Variants in TMOD3 observed in about 807,000 individuals in gnomAD.
TMOD3 encodes the protein tropomodulin 3.
Under a neutral mutation model 39.2 loss-of-function variants are expected in TMOD3, and 20 were observed. The observed-to-expected ratio is 0.51, with a 90% CI of 0.36 to 0.74. The LOEUF (loss-of-function observed/expected upper bound fraction) is 0.74. Among genes scored for constraint, TMOD3 ranks in the 30% least tolerant of loss-of-function variants. The pLI is 0.00. For missense variants in TMOD3, 381 were observed against 412.8 expected (o/e 0.92, Z 0.67); for synonymous variants, 143 against 145.8 (o/e 0.98, Z 0.14).
At chr15:51,896,076 C>T (rs1426837094) in intron 6 of TMOD3, among the ~76,000 whole-genome samples, 1 of 152,004 alleles carries the variant, frequency 6.6e-6, no homozygotes, top group Non-Finnish European at 1.5e-5. Flanking sequence ...CCGTTGCACT[C>T]CAACCTGGGC....
chr15:51,882,458 C>T (rs1249025320), intron 3 of TMOD3, among the ~76,000 whole-genome samples: 1 of 151,882 alleles, frequency 6.6e-6, no homozygotes, highest in Non-Finnish European at 1.5e-5. Context: ...GAGATTGTAC[C>T]ACTGCACTCC....
At position 51,861,053 on chromosome 15, in the gene TMOD3, CT is replaced by C. The variant is rs1431857319; in HGVS notation, c.-74-1756del. On this transcript the variant is annotated intron_variant, in intron 1 of 9. Coordinates refer to ENST00000308580, the MANE Select transcript of TMOD3 (RefSeq NM_014547.5). Reference sequence around the variant, plus strand: ...GTACAATAGAATTCTCAATCTCATCCTTCTTAAATGAATATCCAATGCGTGT... The same window carrying C: ...GTACAATAGAATTCTCAATCTCATCCTCTTAAATGAATATCCAATGCGTGT... 7 of 715,662 alleles carry C rather than the reference CT, an allele frequency of 9.8e-6. No homozygotes were observed. The East Asian group carries it at 2.4e-4, about 25-fold the overall frequency. 44.3% of individuals were successfully genotyped at this position (715,662 alleles called of 1,614,324 possible).
At chr15:51,893,274 G>A (rs1302221086) in intron 5 of TMOD3, among the ~76,000 whole-genome samples, 1 of 129,492 alleles carries the variant, frequency 7.7e-6, no homozygotes, top group Non-Finnish European at 1.6e-5. Flanking sequence ...CAGCCTGGGT[G>A]GTAGAGTAAG....
chr15:51,878,376 A>ATGTGTGTGTT (rs1555387057), intron 3 of TMOD3, among the ~76,000 whole-genome samples: 50 of 147,428 alleles, frequency 3.4e-4, no homozygotes, highest in African/African-American at 1.2e-3. Context: ...TTTAAAATAT[A>ATGTGTGTGTT]TGTGTGTGTG....
At chr15:51,859,970 A>G (rs1368117115) in intron 1 of TMOD3, 10 of 545,652 alleles carry the variant, frequency 1.8e-5, no homozygotes, top group Admixed American at 5.8e-5. Context: ...CTTCTTAGTA[A>G]ATCTTTCCAA....
At chr15:51,842,599 G>A (rs1389483337) in intron 1 of TMOD3, among the ~76,000 whole-genome samples, 1 of 152,128 alleles carries the variant, frequency 6.6e-6, no homozygotes, top group South Asian at 2.1e-4. Context: ...TAGGCATGAG[G>A]TTTTCTACAT....
In TMOD3 at chr15:51,911,924, G is replaced by C. The variant is rs2056713737; in HGVS notation, c.*3114G>C. On this transcript the variant is annotated 3_prime_UTR_variant, in exon 10 of 10. Transcript: ENST00000308580. ...TTTGTATTAAATAAATTAGCAGATG[G>C]TTAGAGACTTCAAGGAGAGTTAGCT... 1 of 152,174 alleles carries C rather than the reference G, an allele frequency of 6.6e-6. No homozygotes were observed. 9.4% of individuals were successfully genotyped at this position (152,174 alleles called of 1,614,324 possible). A position where few individuals can be genotyped will look rare whatever the true frequency, so the allele number is the denominator to read the frequency against.
intron 9 of TMOD3, among the ~76,000 whole-genome samples, chr15:51,905,654 TCTTATTG>T (rs2056674701): frequency 1.3e-5 from 2 of 152,172 alleles, no homozygotes; most frequent in Non-Finnish European, 2.9e-5. Flanking sequence ...CAAAAACTGC[TCTTATTG>T]CTCTATTAGA....
chr15:51,862,641 C>G (rs993945329), intron 1 of TMOD3, among the ~76,000 whole-genome samples, 170 bp from the exon 2 acceptor site: 1 of 147,560 alleles, frequency 6.8e-6, no homozygotes, highest in Non-Finnish European at 1.5e-5. Flanking sequence ...TTTTTTTTTT[C>G]TCAACACAAG....
intron 2 of TMOD3, among the ~76,000 whole-genome samples, chr15:51,867,961 C>G (rs1024960471): frequency 6.6e-6 from 1 of 152,180 alleles, no homozygotes; most frequent in Non-Finnish European, 1.5e-5. Flanking sequence ...AGGCTGTACC[C>G]GTGTGGAAAC....
chr15:51,900,368 G>A, intron 8 of TMOD3, 70 bp downstream of exon 8: 2 of 1,556,994 alleles, frequency 1.3e-6, no homozygotes, highest in Non-Finnish European at 1.7e-6. Flanking sequence ...TGGCGACTCA[G>A]GATGGGGATG....
chr15:51,861,880 C>T (rs1445977505), intron 1 of TMOD3, among the ~76,000 whole-genome samples: 3 of 151,990 alleles, frequency 2.0e-5, no homozygotes, highest in East Asian at 3.9e-4. Flanking sequence ...TGAGCTCAAG[C>T]GATTCACCTG....
intron 3 of TMOD3, among the ~76,000 whole-genome samples, chr15:51,879,942 T>G (rs889959676): frequency 4.0e-5 from 6 of 151,756 alleles, no homozygotes; most frequent in African/African-American, 1.5e-4. Context: ...GTGTCTATTA[T>G]GTTTCTCATC....
chr15:51,898,683 G>A (rs981894462), intron 7 of TMOD3, among the ~76,000 whole-genome samples: 3 of 152,100 alleles, frequency 2.0e-5, no homozygotes, highest in Admixed American at 1.3e-4. Flanking sequence ...GTATCTCTAC[G>A]CCCTATTGCC....
chr15:51,830,727 T>G (rs1330712978), intron 1 of TMOD3, among the ~76,000 whole-genome samples: 1 of 152,194 alleles, frequency 6.6e-6, no homozygotes, highest in Non-Finnish European at 1.5e-5. Flanking sequence ...ATGTCTCCTC[T>G]CCTTTTCTGA....
intron 2 of TMOD3, among the ~76,000 whole-genome samples, chr15:51,866,953 C>T (rs116279151): frequency 6.6e-6 from 1 of 152,112 alleles, no homozygotes; most frequent in Non-Finnish European, 1.5e-5. Flanking sequence ...TTAAGAAAAG[C>T]TTCCCTGGGG....
At chr15:51,901,419 C>T (rs1009445614) in intron 8 of TMOD3, 1 of 154,750 alleles carries the variant, frequency 6.5e-6, no homozygotes, top group Non-Finnish European at 1.4e-5. Context: ...TTCCTCTCAG[C>T]AATGTCCCCA....
chr15:51,902,503 G>A (rs945978326), intron 9 of TMOD3, among the ~76,000 whole-genome samples: 4 of 152,046 alleles, frequency 2.6e-5, no homozygotes, highest in African/African-American at 4.8e-5. Flanking sequence ...ACGGAGCCTC[G>A]CTGTGTTGCG....
At chr15:51,904,367 T>C (rs1327469411) in intron 9 of TMOD3, among the ~76,000 whole-genome samples, 1 of 152,204 alleles carries the variant, frequency 6.6e-6, no homozygotes, top group Non-Finnish European at 1.5e-5. Context: ...CCCAACTCTT[T>C]TAAAACCATG....
Sources: gnomAD v4.1 joint callset for allele counts (sites outside exome capture counted in the v4.1 genomes callset) on GRCh38, gnomAD v4.1.1 for gene constraint, MANE v1.5 for transcripts, NCBI Gene and HGNC (gene_info 2026-07-23, HGNC 2026-07-21) for gene names.